The following LAMC1 variants were observed in gnomAD, a reference collection of about 807,000 sequenced individuals.
LAMC1 encodes the protein laminin subunit gamma 1, also known as laminin subunit gamma-1.
LAMC1 carries 38 observed loss-of-function variants against 173.6 expected under a neutral mutation model. The ratio of observed to expected loss-of-function variants is 0.22; its 90% confidence interval spans 0.17 to 0.29. The LOEUF (loss-of-function observed/expected upper bound fraction) is 0.29. Among genes scored for constraint, LAMC1 ranks in the 10% least tolerant of loss-of-function variants. The pLI, the probability that LAMC1 is intolerant of heterozygous loss-of-function variation, is 1.00. For missense variants in LAMC1, 1,824 were observed against 2,051.8 expected (o/e 0.89, Z 2.14); for synonymous variants, 746 against 749.1 (o/e 1.00, Z 0.07).
At position 183,109,662 on chromosome 1, in the gene LAMC1, C is replaced by T. The variant is rs139054199; in HGVS notation, c.855-826C>T. ...GATCTAAATTTGGGACTTGTCCTGCCACACTATCAATGATTCTGAAGTATT... is the reference window on the plus strand; with the variant it reads ...GATCTAAATTTGGGACTTGTCCTGCTACACTATCAATGATTCTGAAGTATT... On this transcript the variant is annotated intron_variant, in intron 3 of 27. Transcript: ENST00000258341. Among the ~76,000 whole-genome samples, 105 of 152,248 alleles carry T rather than the reference C, an allele frequency of 6.9e-4. 1 individual carries two copies. Among genetic ancestry groups the T allele is most frequent in the Admixed American group, 2.6e-3 (39 of 15,290 alleles).
At chr1:183,087,988 T>G (rs976192042) in intron 1 of LAMC1, among the ~76,000 whole-genome samples, 1 of 151,980 alleles carries the variant, frequency 6.6e-6, no homozygotes. Context: ...TAATTTTGTA[T>G]TTTTAGTAGA....
At chr1:183,129,480 A>G (rs928761373) in intron 18 of LAMC1, among the ~76,000 whole-genome samples, 1 of 152,162 alleles carries the variant, frequency 6.6e-6, no homozygotes, top group Non-Finnish European at 1.5e-5. Context: ...TCACCTCTGC[A>G]CATACATTTG....
chr1:183,140,242 C>A (rs1407844392), intron 26 of LAMC1, among the ~76,000 whole-genome samples, 162 bp from the exon 27 acceptor site: 3 of 32,862 alleles, frequency 9.1e-5, no homozygotes, highest in East Asian at 2.8e-3. Context: ...GCAGCAGCCC[C>A]ACCAAAAAAA....
intron 1 of LAMC1, among the ~76,000 whole-genome samples, chr1:183,040,985 G>T (rs142819737): frequency 2.6e-5 from 4 of 152,200 alleles, no homozygotes; most frequent in Non-Finnish European, 5.9e-5. Context: ...CCAGAATGTT[G>T]ATCTGGTGAC....
intron 26 of LAMC1, among the ~76,000 whole-genome samples, chr1:183,139,809 C>G (rs1319410241): frequency 6.6e-6 from 1 of 152,098 alleles, no homozygotes; most frequent in Non-Finnish European, 1.5e-5. Context: ...AGTGTATTTA[C>G]CTTTGTTTGG....
At chr1:183,127,516 T>C in intron 17 of LAMC1, 112 bp downstream of exon 17, 1 of 876,424 alleles carries the variant, frequency 1.1e-6, no homozygotes, top group Non-Finnish European at 1.8e-6. Flanking sequence ...TGGTCCCTGT[T>C]CTTAAAGACT....
rs1553257535 is a variant in LAMC1, at chr1:183,121,507, G to GCACT, written c.1991-213_1991-210dup. Among the ~76,000 whole-genome samples, 127 of 152,144 alleles carry GCACT rather than the reference G, an allele frequency of 8.3e-4. 1 individual carries two copies. In the Middle Eastern group the frequency reaches 0.024, roughly 29 times the overall value. Reference sequence around the variant, plus strand: ...GCTATACCACCACTCCAGATACTTAGCACTCAGTACCACATGATTGTTCTA... The same window carrying GCACT: ...GCTATACCACCACTCCAGATACTTAGCACTCACTCAGTACCACATGATTGTTCTA... On this transcript the variant is annotated intron_variant, in intron 11 of 27. Coordinates refer to ENST00000258341, the MANE Select transcript of LAMC1 (RefSeq NM_002293.4).
At chr1:183,111,630 C>G (rs1277470130) in intron 4 of LAMC1, among the ~76,000 whole-genome samples, 1 of 152,148 alleles carries the variant, frequency 6.6e-6, no homozygotes, top group Non-Finnish European at 1.5e-5. Flanking sequence ...GAGAAAGGAA[C>G]CTTTTAATCA....
At position 183,084,874 on chromosome 1, in the gene LAMC1, G is replaced by T. The variant is rs117611930; in HGVS notation, c.419-18454G>T. Among the ~76,000 whole-genome samples the T allele has an allele frequency of 9.2e-5, 14 of 152,274 alleles. No individual in the cohort carries two copies. The East Asian group carries it at 2.7e-3, about 29-fold the overall frequency. ...GCCCTGAAAGAAAATGTAGTTGAGG[G>T]TGTATATTTTATTGGTCCATTGTGT... On this transcript the variant is annotated intron_variant, in intron 1 of 27. Coordinates refer to ENST00000258341, the MANE Select transcript of LAMC1 (RefSeq NM_002293.4).
chr1:183,104,355 T>A (rs1307587462), intron 2 of LAMC1, among the ~76,000 whole-genome samples: 1 of 152,244 alleles, frequency 6.6e-6, no homozygotes, highest in Non-Finnish European at 1.5e-5. Context: ...AATTCTTCTA[T>A]GTTGCTCATA....
chr1:183,082,610 T>A (rs10911231), intron 1 of LAMC1, among the ~76,000 whole-genome samples: 76,221 of 152,044 alleles, frequency 0.5, 19,740 homozygotes, highest in South Asian at 0.64. Context: ...CCCACCCAGA[T>A]ACTGTGTCTT....
At chr1:183,056,922 G>C (rs191905525) in intron 1 of LAMC1, among the ~76,000 whole-genome samples, 279 of 152,292 alleles carry the variant, frequency 1.8e-3, no homozygotes, top group Non-Finnish European at 2.2e-3. Context: ...ACTTTAGTTG[G>C]TAGGTATACT....
At chr1:183,079,231 GGTTT>G (rs1655199235) in intron 1 of LAMC1, among the ~76,000 whole-genome samples, 1 of 95,620 alleles carries the variant, frequency 1.0e-5, no homozygotes, top group Admixed American at 1.3e-4. Context: ...TCTCTAATCT[GGTTT>G]TTTTTTTTTT....
Position 183,134,945 on chromosome 1 carries a change from A to G in LAMC1, c.4000-97A>G, listed in dbSNP as rs114954448. ...GCAGCCTAACAGATTTTATGCTGGC[A>G]AGTCTCAGGGTGGCACCTCTGGAGA... On this transcript the variant is annotated intron_variant, in intron 23 of 27. Transcript: ENST00000258341. The G allele has an allele frequency of 8.3e-4, 1,109 of 1,338,052 alleles. 7 individuals carry two copies. The African/African-American group carries it at 0.014, about 17-fold the overall frequency. 82.9% of individuals were successfully genotyped at this position (1,338,052 alleles called of 1,614,324 possible).
chr1:183,110,541 T>C lies in LAMC1; in HGVS notation c.908T>C (p.Leu303Pro). 1 of 1,613,790 alleles carries C rather than the reference T, an allele frequency of 6.2e-7. No homozygotes were observed. The highest frequency in any genetic ancestry group is 8.5e-7 in the Non-Finnish European group (1 of 1,179,710). ...SECMKNEFDK[L>P]VCNCKHNTYG... ...TGTATGAAGAACGAATTTGATAAGCTGGTGTGTAATTGCAAACATAACACA... is the reference window on the plus strand; with the variant it reads ...TGTATGAAGAACGAATTTGATAAGCCGGTGTGTAATTGCAAACATAACACA... Residue 303 changes from leucine (L) to proline (P), a missense_variant, in exon 4 of 28, where the codon CTG becomes CCG. Coordinates refer to ENST00000258341, the MANE Select transcript of LAMC1 (RefSeq NM_002293.4).
intron 1 of LAMC1, among the ~76,000 whole-genome samples, chr1:183,090,418 G>A (rs1016025357): frequency 3.3e-5 from 5 of 152,212 alleles, no homozygotes; most frequent in African/African-American, 1.2e-4. Flanking sequence ...AGGAAAGTGT[G>A]TAGAGTGTAC....
At chr1:183,105,249 AAG>A (rs1655945742) in intron 2 of LAMC1, among the ~76,000 whole-genome samples, 1 of 145,770 alleles carries the variant, frequency 6.9e-6, no homozygotes, top group African/African-American at 2.5e-5. Flanking sequence ...AAAAAAAAGA[AAG>A]AAAGAAAAGA....
rs1163864242 is a variant in LAMC1 at position 183,134,580 on chromosome 1, G to A, written c.3850-80G>A. 3 of 1,126,764 alleles carry A rather than the reference G, an allele frequency of 2.7e-6. No individual in the cohort carries two copies. In the East Asian group the frequency reaches 7.0e-5, roughly 26 times the overall value. The allele number at this position is 1,126,764 out of a possible 1,614,324, so 69.8% of individuals were successfully genotyped here. A position where few individuals can be genotyped will look rare whatever the true frequency, so the allele number is the denominator to read the frequency against. ...TTAAAAATATCATTGAGTATTAGGT[G>A]TTACAGAGTTCCTAAGCCTACCTTT... On this transcript the variant is annotated intron_variant, in intron 22 of 27. Coordinates refer to ENST00000258341, the MANE Select transcript of LAMC1 (RefSeq NM_002293.4).
Position 183,136,476 on chromosome 1 carries a change from A to C in LAMC1, c.4205A>C (p.Asn1402Thr), listed in dbSNP as rs771235090. The C allele has an allele frequency of 6.2e-7, 1 of 1,614,246 alleles. No individual in the cohort carries two copies. The change falls in exon 25 of 28, where the codon AAT becomes ACT. Residue 1402 changes from asparagine to threonine, a missense_variant. Coordinates refer to ENST00000258341, the MANE Select transcript of LAMC1 (RefSeq NM_002293.4). The part of the protein sequence containing the change: ...PAINQTITEA[N>T]EKTREAQQAL... ...ATCAACCAGACCATCACTGAAGCCA[A>C]TGAAAAGACCAGAGAAGCCCAGCAG...
Sources: gnomAD v4.1 joint callset for allele counts (sites outside exome capture counted in the v4.1 genomes callset) on GRCh38, gnomAD v4.1.1 for gene constraint, MANE v1.5 for transcripts, NCBI Gene and HGNC (gene_info 2026-07-23, HGNC 2026-07-21) for gene names.